IL20RA: variants seen among roughly 807,000 people sequenced by gnomAD.
IL20RA encodes interleukin-20 receptor subunit alpha.
In IL20RA, 29 loss-of-function variants were observed where a neutral mutation model predicts 36.5. That is an observed-to-expected ratio of 0.79 (90% CI 0.59 to 1.08). The LOEUF (loss-of-function observed/expected upper bound fraction) is 1.08, where lower values mean the gene tolerates loss of function less well. Ranked by LOEUF, IL20RA falls within the 50% of genes least tolerant of loss-of-function variation. The pLI is 0.00. For missense variants in IL20RA, 652 were observed against 668.4 expected (o/e 0.98, Z 0.27); for synonymous variants, 279 against 267.1 (o/e 1.04, Z -0.43).
intron 5 of IL20RA, among the ~76,000 whole-genome samples, chr6:137,005,416 G>A (rs747848528): frequency 3.3e-5 from 5 of 152,168 alleles, no homozygotes; most frequent in South Asian, 4.2e-4. Context: ...GTAAAAGTCC[G>A]CAGAGGAAAT....
chr6:137,031,919 C>T (rs543633752), intron 1 of IL20RA, among the ~76,000 whole-genome samples: 57 of 151,240 alleles, frequency 3.8e-4, no homozygotes, highest in South Asian at 2.9e-3. Context: ...GTCGTGGCAG[C>T]GCACGTGCCT....
chr6:137,029,996 A>C (rs1702022407), intron 1 of IL20RA, among the ~76,000 whole-genome samples: 1 of 151,354 alleles, frequency 6.6e-6, no homozygotes, highest in Admixed American at 6.6e-5. Flanking sequence ...AAAGAGCATT[A>C]GAGAAAGGGA....
At chr6:137,008,441 A>C (rs555308795) in intron 5 of IL20RA, among the ~76,000 whole-genome samples, 158 bp downstream of exon 5, 2 of 152,354 alleles carry the variant, frequency 1.3e-5, no homozygotes, top group East Asian at 1.9e-4. Flanking sequence ...GCAGAGTCCC[A>C]GGCTGCTCCA....
chr6:137,010,297 T>C (rs1775440387), intron 3 of IL20RA, among the ~76,000 whole-genome samples: 1 of 152,246 alleles, frequency 6.6e-6, no homozygotes, highest in African/African-American at 2.4e-5. Context: ...TCTTGCTGTA[T>C]TGCGAAAGCA....
At position 137,020,593 on chromosome 6, in the gene IL20RA, A is replaced by G. The variant is rs189845839; in HGVS notation, c.89-3490T>C. On this transcript the variant is annotated intron_variant, in intron 1 of 6. Coordinates refer to ENST00000316649, the MANE Select transcript of IL20RA (RefSeq NM_014432.4). ...TAATAGTTTGATTTTATGTTTATGA[A>G]AAAAATTAAAAACTACCCGAGGAGA... Among the ~76,000 whole-genome samples, 8 of 152,270 alleles carry G rather than the reference A, an allele frequency of 5.3e-5. No homozygotes were observed. In the East Asian group the frequency reaches 1.2e-3, roughly 22 times the overall value.
chr6:137,029,506 C>CTAAAA (rs145954642), intron 1 of IL20RA, among the ~76,000 whole-genome samples: 10,813 of 151,762 alleles, frequency 0.071, 1,281 homozygotes, highest in African/African-American at 0.25. Flanking sequence ...GACTGTGTCT[C>CTAAAA]TAAAATAAAA....
intron 6 of IL20RA, among the ~76,000 whole-genome samples, 199 bp from the exon 7 acceptor site, chr6:137,002,554 T>C (rs1396086405): frequency 1.3e-5 from 2 of 152,202 alleles, no homozygotes; most frequent in African/African-American, 4.8e-5. Context: ...AAAAGATAGT[T>C]GGAAGCGAGA....
intron 1 of IL20RA, among the ~76,000 whole-genome samples, chr6:137,031,130 T>C (rs891903958): frequency 2.0e-5 from 3 of 152,228 alleles, no homozygotes; most frequent in African/African-American, 7.2e-5. Context: ...AGCAGGCAAA[T>C]GGCAGGCCAA....
At chr6:137,004,902 G>A (rs965800822) in intron 5 of IL20RA, 142 bp from the exon 6 acceptor site, 40 of 730,154 alleles carry the variant, frequency 5.5e-5, no homozygotes, top group Non-Finnish European at 8.3e-5. Context: ...TCACCTCTAC[G>A]TTGAGAAGCT....
chr6:137,042,330 A>T (rs1380207326), intron 1 of IL20RA, among the ~76,000 whole-genome samples: 1 of 152,172 alleles, frequency 6.6e-6, no homozygotes, highest in Admixed American at 6.5e-5. Context: ...TGATTCCAGG[A>T]ACAGTAGAAG....
chr6:137,005,592 C>T (rs1383134323), intron 5 of IL20RA, among the ~76,000 whole-genome samples: 1 of 152,030 alleles, frequency 6.6e-6, no homozygotes, highest in African/African-American at 2.4e-5. Context: ...GTTGGCTAGG[C>T]CACAGTATGC....
rs1465478474 is a variant in IL20RA at position 137,044,815 on chromosome 6, G to C, written c.-87C>G. 4 of 1,158,330 alleles carry C rather than the reference G, an allele frequency of 3.5e-6. No homozygotes were observed. The East Asian group carries it at 1.1e-4, about 31-fold the overall frequency. The allele number at this position is 1,158,330 out of a possible 1,614,324, so 71.8% of individuals were successfully genotyped here. A position where few individuals can be genotyped will look rare whatever the true frequency, so the allele number is the denominator to read the frequency against. ...GGCCAAGCGCGGCCGCGCGGCCTCA[G>C]CTCCGCGCCTGGGGCTCTGCGTGCC... is the stretch of plus-strand genomic sequence containing the variant. On this transcript the variant is annotated 5_prime_UTR_variant, in exon 1 of 7. Transcript: ENST00000316649.
rs578163089 is a variant in IL20RA at position 137,009,465 on chromosome 6, A to T, written c.431T>A (p.Leu144Gln). The change falls in exon 4 of 7, where the codon CTG (leucine) becomes CAG (glutamine). Residue 144 changes from leucine to glutamine, a missense_variant. Transcript: ENST00000316649. Reference sequence around the variant, plus strand: ...AGAAATGGACTTCTCATCTGTAGTCAGTGCCACCTCTGGTGGGCCAATTTG... The same window carrying T: ...AGAAATGGACTTCTCATCTGTAGTCTGTGCCACCTCTGGTGGGCCAATTTG... Reference protein sequence around the residue: ...ETQIGPPEVALTTDEKSISVV... With the variant: ...ETQIGPPEVAQTTDEKSISVV... 2.0e-5 allele frequency: 32 copies of T among 1,612,868 alleles called. No homozygotes were observed. Among genetic ancestry groups the T allele is most frequent in the Non-Finnish European group, 2.7e-5 (32 of 1,178,840 alleles).
intron 4 of IL20RA, 122 bp from the exon 5 acceptor site, chr6:137,008,865 C>CTTT (rs3041890): frequency 0.03 from 4,256 of 141,224 alleles, 130 homozygotes; most frequent in East Asian, 0.044. Context: ...TCAGTATAAG[C>CTTT]TTTTTTTTTT....
intron 3 of IL20RA, among the ~76,000 whole-genome samples, chr6:137,010,042 C>T (rs1008986755): frequency 1.3e-5 from 2 of 152,202 alleles, no homozygotes; most frequent in Non-Finnish European, 2.9e-5. Context: ...ACAGCAAACT[C>T]AAGTATTCTG....
intron 1 of IL20RA, among the ~76,000 whole-genome samples, chr6:137,029,899 AG>A (rs1776211821): frequency 6.6e-6 from 1 of 151,296 alleles, no homozygotes; most frequent in Admixed American, 6.7e-5. Context: ...TCAGAAGGAA[AG>A]TCAACAAGAT....
intron 1 of IL20RA, among the ~76,000 whole-genome samples, chr6:137,040,480 T>C (rs1776650934): frequency 6.6e-6 from 1 of 151,964 alleles, no homozygotes; most frequent in Non-Finnish European, 1.5e-5. Context: ...ATTCCAGGCC[T>C]GGGGCAGGGA....
At chr6:137,019,210 T>C (rs1177737534) in intron 1 of IL20RA, among the ~76,000 whole-genome samples, 3 of 151,790 alleles carry the variant, frequency 2.0e-5, no homozygotes, top group Non-Finnish European at 2.9e-5. Flanking sequence ...CACTGCAACC[T>C]CCACTTCCCA....
chr6:137,037,367 A>G lies in IL20RA; in HGVS notation c.88+7274T>C, dbSNP rs17066024. Reference sequence around the variant, plus strand: ...AAAAATTGTCCTTTCAGCAAAGAGTAGCCTTAGTTGCATTTAAGACCATCA... The same window carrying G: ...AAAAATTGTCCTTTCAGCAAAGAGTGGCCTTAGTTGCATTTAAGACCATCA... On this transcript the variant is annotated intron_variant, in intron 1 of 6. Coordinates refer to ENST00000316649, the MANE Select transcript of IL20RA (RefSeq NM_014432.4). Among the ~76,000 whole-genome samples, 696 of 152,360 alleles carry G rather than the reference A, an allele frequency of 4.6e-3. 18 individuals are homozygous for G. The East Asian group carries it at 0.056, about 12-fold the overall frequency.
Sources: gnomAD v4.1 joint callset for allele counts (sites outside exome capture counted in the v4.1 genomes callset) on GRCh38, gnomAD v4.1.1 for gene constraint, MANE v1.5 for transcripts, NCBI Gene and HGNC (gene_info 2026-07-23, HGNC 2026-07-21) for gene names.